Variants in ADGRL4 observed in about 807,000 individuals in gnomAD.
The protein encoded by ADGRL4 is EGF, latrophilin and seven transmembrane domain containing 1.
In ADGRL4, 90 loss-of-function variants were observed where a neutral mutation model predicts 74.8. The observed-to-expected ratio is 1.20, with a 90% CI of 1.02 to 1.43. ADGRL4 has a LOEUF of 1.43. ADGRL4 is among the 40% of genes most tolerant of loss of function. The pLI, the probability that ADGRL4 is intolerant of heterozygous loss-of-function variation, is 0.00. For synonymous variants in ADGRL4, 311 were observed against 279.2 expected (o/e 1.11, Z -1.14); for missense variants, 881 against 814.3 (o/e 1.08, Z -1.00).
At chr1:78,965,348 T>C (rs1650034140) in intron 2 of ADGRL4, among the ~76,000 whole-genome samples, 1 of 152,154 alleles carries the variant, frequency 6.6e-6, no homozygotes, top group African/African-American at 2.4e-5. Flanking sequence ...GAGCATTAAC[T>C]CCTTGTACTT....
chr1:78,893,273 A>C, intron 12 of ADGRL4, 84 bp from the exon 13 acceptor site: 1 of 821,798 alleles, frequency 1.2e-6, no homozygotes, highest in Non-Finnish European at 1.9e-6. Flanking sequence ...TAAAGATTTC[A>C]ATAAGATAGA....
intron 12 of ADGRL4, among the ~76,000 whole-genome samples, chr1:78,897,464 G>T (rs1046198151): frequency 1.2e-4 from 19 of 152,056 alleles, no homozygotes; most frequent in African/African-American, 3.6e-4. Context: ...TCTTACCCAT[G>T]TTGTCTCTTC....
intron 2 of ADGRL4, among the ~76,000 whole-genome samples, chr1:78,952,142 C>A (rs561887373): frequency 6.6e-6 from 1 of 152,008 alleles, no homozygotes; most frequent in African/African-American, 2.4e-5. Context: ...ATTGGCCGGG[C>A]TCAAATTGAT....
chr1:78,989,267 C>T (rs1650556947), intron 2 of ADGRL4, among the ~76,000 whole-genome samples: 1 of 151,640 alleles, frequency 6.6e-6, no homozygotes, highest in Non-Finnish European at 1.5e-5. Context: ...GCTTTCAATG[C>T]TAACCATCTT....
At chr1:78,953,866 C>T (rs1184976230) in intron 2 of ADGRL4, among the ~76,000 whole-genome samples, 3 of 152,128 alleles carry the variant, frequency 2.0e-5, no homozygotes, top group Non-Finnish European at 2.9e-5. Flanking sequence ...TGGTCTGCAC[C>T]GGCCAGGCTA....
Position 78,937,918 on chromosome 1 carries a change from G to A in ADGRL4, c.649C>T (p.His217Tyr). 6.2e-7 allele frequency: 1 copy of A among 1,613,876 alleles called. No individual in the cohort carries two copies. The highest frequency in any genetic ancestry group is 1.1e-5 in the South Asian group (1 of 91,064). ...FVVWDKLSVN[H>Y]RRTHLTKLMH... ...AGTTTTGTAAGATGTGTTCTCCTAT[G>A]ATTCACAGATAACTTGTCCCAAACT... Residue 217 changes from histidine to tyrosine, a missense_variant, in exon 6 of 15, where the codon CAT (histidine) becomes TAT (tyrosine). Coordinates refer to ENST00000370742, the MANE Select transcript of ADGRL4 (RefSeq NM_022159.4).
chr1:78,951,667 A>G (rs1414474822), intron 2 of ADGRL4, among the ~76,000 whole-genome samples: 6 of 152,226 alleles, frequency 3.9e-5, no homozygotes, highest in Non-Finnish European at 5.9e-5. Context: ...AGTTGTTGCA[A>G]AAATGCAATG....
chr1:78,958,228 A>G (rs900204797), intron 2 of ADGRL4, among the ~76,000 whole-genome samples: 2 of 152,188 alleles, frequency 1.3e-5, no homozygotes, highest in Admixed American at 6.6e-5. Flanking sequence ...CCTGCAAATA[A>G]CATCCATTCT....
intron 12 of ADGRL4, among the ~76,000 whole-genome samples, chr1:78,896,134 T>G (rs1254291424): frequency 1.3e-5 from 2 of 152,066 alleles, no homozygotes; most frequent in Non-Finnish European, 2.9e-5. Flanking sequence ...CTTTGTTTAC[T>G]ATACTCCTGC....
intron 12 of ADGRL4, among the ~76,000 whole-genome samples, chr1:78,902,550 T>C (rs762588921): frequency 5.3e-5 from 8 of 152,162 alleles, no homozygotes; most frequent in Non-Finnish European, 1.2e-4. Context: ...TTCTAGAGTT[T>C]ATGCTCCTGA....
intron 2 of ADGRL4, among the ~76,000 whole-genome samples, chr1:78,974,259 A>G (rs1449807376): frequency 2.0e-5 from 3 of 152,186 alleles, no homozygotes; most frequent in East Asian, 3.9e-4. Flanking sequence ...ATAACCTTCT[A>G]TGTATATCAG....
chr1:79,004,814 C>T (rs1650926033), intron 2 of ADGRL4, among the ~76,000 whole-genome samples: 1 of 152,084 alleles, frequency 6.6e-6, no homozygotes, highest in Non-Finnish European at 1.5e-5. Flanking sequence ...ACCTGGATCT[C>T]CAGCATGAGC....
intron 7 of ADGRL4, among the ~76,000 whole-genome samples, chr1:78,928,302 C>T (rs1220598427): frequency 6.6e-6 from 1 of 151,496 alleles, no homozygotes; most frequent in African/African-American, 2.4e-5. Context: ...CTTCTCACCT[C>T]ATTTACAAAT....
At chr1:78,955,039 G>A (rs78228814) in intron 2 of ADGRL4, among the ~76,000 whole-genome samples, 1,918 of 152,140 alleles carry the variant, frequency 0.013, 54 homozygotes, top group African/African-American at 0.044. Flanking sequence ...TGATCAGCAT[G>A]GCCAAACTAA....
chr1:78,986,177 G>C (rs1378312033), intron 2 of ADGRL4, among the ~76,000 whole-genome samples: 1 of 151,082 alleles, frequency 6.6e-6, no homozygotes, highest in African/African-American at 2.4e-5. Context: ...CTAAACTAAA[G>C]GTTAAAAACA....
At chr1:78,938,998 A>G (rs1023536753) in intron 4 of ADGRL4, among the ~76,000 whole-genome samples, 190 bp downstream of exon 4, 1 of 152,076 alleles carries the variant, frequency 6.6e-6, no homozygotes, top group Non-Finnish European at 1.5e-5. Flanking sequence ...GGCCTCTTGA[A>G]TAATTTGAGG....
At chr1:78,944,767 T>C (rs967281411) in intron 3 of ADGRL4, among the ~76,000 whole-genome samples, 1 of 152,300 alleles carries the variant, frequency 6.6e-6, no homozygotes, top group East Asian at 1.9e-4. Flanking sequence ...TTTACTTCCT[T>C]GGCAATAAAA....
chr1:78,997,911 GA>G (rs1481822771), intron 2 of ADGRL4, among the ~76,000 whole-genome samples: 2 of 152,126 alleles, frequency 1.3e-5, no homozygotes, highest in African/African-American at 4.8e-5. Flanking sequence ...TCAGTAAGGA[GA>G]AGACAGAAAG....
At chr1:78,915,071 T>C (rs1169059487) in intron 12 of ADGRL4, among the ~76,000 whole-genome samples, 1 of 151,932 alleles carries the variant, frequency 6.6e-6, no homozygotes, top group East Asian at 1.9e-4. Flanking sequence ...TATCTTCACA[T>C]GACCTAGGCA....
Sources: gnomAD v4.1 joint callset for allele counts (sites outside exome capture counted in the v4.1 genomes callset) on GRCh38, gnomAD v4.1.1 for gene constraint, MANE v1.5 for transcripts, NCBI Gene and HGNC (gene_info 2026-07-23, HGNC 2026-07-21) for gene names.